C2orf80: variants seen among roughly 807,000 people sequenced by gnomAD.
C2orf80 encodes the protein chromosome 2 open reading frame 80, also known as uncharacterized protein C2orf80.
Under a neutral mutation model 30.2 loss-of-function variants are expected in C2orf80, and 28 were observed. That is an observed-to-expected ratio of 0.93 (90% confidence interval 0.69 to 1.27). The LOEUF (loss-of-function observed/expected upper bound fraction) is 1.27, where lower values mean the gene tolerates loss of function less well. Ranked by LOEUF, C2orf80 falls within the 50% of genes most tolerant of loss-of-function variation. The pLI is 0.00. For synonymous variants in C2orf80, 80 were observed against 76.4 expected (o/e 1.05, Z -0.24); for missense variants, 220 against 231.0 (o/e 0.95, Z 0.31).
chr2:208,177,866 C>T (rs1696416970), intron 6 of C2orf80, among the ~76,000 whole-genome samples: 1 of 151,554 alleles, frequency 6.6e-6, no homozygotes, highest in Admixed American at 6.6e-5. Flanking sequence ...TGCTCTGTTG[C>T]TCAGGCTGGA....
chr2:208,181,753 T>C (rs1461503208), intron 4 of C2orf80, among the ~76,000 whole-genome samples: 1 of 152,090 alleles, frequency 6.6e-6, no homozygotes, highest in East Asian at 1.9e-4. Flanking sequence ...GCGCTGCCAC[T>C]GTCCAACCCT....
At chr2:208,178,030 C>T (rs1276945847) in intron 6 of C2orf80, among the ~76,000 whole-genome samples, 1 of 151,904 alleles carries the variant, frequency 6.6e-6, no homozygotes, top group African/African-American at 2.4e-5. Flanking sequence ...GTTGGCCAGG[C>T]TGGTCTCAAA....
At chr2:208,170,288 C>T (rs755290525) in intron 8 of C2orf80, among the ~76,000 whole-genome samples, 5 of 152,168 alleles carry the variant, frequency 3.3e-5, no homozygotes, top group African/African-American at 7.2e-5. Flanking sequence ...AGAAGTCTCT[C>T]TGACTTCTTA....
intron 3 of C2orf80, 41 bp downstream of exon 3, chr2:208,184,910 T>G: frequency 6.7e-7 from 1 of 1,502,676 alleles, no homozygotes. Context: ...TTAATACACA[T>G]ATAACACAAA....
At chr2:208,165,891 G>A (rs1017962696) in intron 8 of C2orf80, 76 bp from the exon 9 acceptor site, 5 of 966,598 alleles carry the variant, frequency 5.2e-6, no homozygotes, top group Non-Finnish European at 8.0e-6. Flanking sequence ...AAGTCTATAG[G>A]AAGTTAAGGT....
chr2:208,169,370 T>A (rs959109404), intron 8 of C2orf80, among the ~76,000 whole-genome samples: 2 of 151,952 alleles, frequency 1.3e-5, no homozygotes, highest in Non-Finnish European at 2.9e-5. Context: ...CAAACACGTA[T>A]AAAAAATGAC....
At chr2:208,185,507 A>C (rs538662173) in intron 2 of C2orf80, among the ~76,000 whole-genome samples, 4 of 152,364 alleles carry the variant, frequency 2.6e-5, no homozygotes, top group African/African-American at 9.6e-5. Context: ...GGAGGAATGC[A>C]TAAAAACTTA....
At chr2:208,178,941 T>G (rs1696460503) in intron 6 of C2orf80, among the ~76,000 whole-genome samples, 1 of 152,132 alleles carries the variant, frequency 6.6e-6, no homozygotes, top group Non-Finnish European at 1.5e-5. Context: ...GTATTTTTAG[T>G]AGAGTTGGGG....
chr2:208,182,394 T>C (rs907297292), intron 4 of C2orf80, among the ~76,000 whole-genome samples: 3 of 152,170 alleles, frequency 2.0e-5, no homozygotes, highest in Admixed American at 6.5e-5. Flanking sequence ...AAAGCAGTCA[T>C]GTTTCTAAGA....
At chr2:208,169,454 G>C (rs1269047566) in intron 8 of C2orf80, among the ~76,000 whole-genome samples, 1 of 151,958 alleles carries the variant, frequency 6.6e-6, no homozygotes, top group African/African-American at 2.4e-5. Flanking sequence ...ACCTTCGGCC[G>C]GGCACAGTGG....
Position 208,172,072 on chromosome 2 carries a change from G to A in C2orf80, c.370C>T (p.Pro124Ser). Residue 124 changes from proline to serine, a missense_variant, in exon 7 of 9, where the codon CCC becomes TCC. Transcript: ENST00000341287. ...GAGAGGCAGAGAGATGAAACTCGGGGAACCTGAAAGGAAAACAGTCCTACT... is the reference window on the plus strand; with the variant it reads ...GAGAGGCAGAGAGATGAAACTCGGGAAACCTGAAAGGAAAACAGTCCTACT... ...SSADSGTIKV[P>S]RVSSLCLSLH... The A allele has an allele frequency of 6.2e-7, 1 of 1,610,922 alleles. No homozygotes were observed.
chr2:208,186,638 G>A (rs973265659), intron 2 of C2orf80, among the ~76,000 whole-genome samples: 2 of 152,138 alleles, frequency 1.3e-5, no homozygotes, highest in African/African-American at 2.4e-5. Flanking sequence ...CCCTTTCAAC[G>A]GTGTATCTTG....
rs1696353932 is a variant in C2orf80 at position 208,176,963 on chromosome 2, A to ATGTATACAGATC, written c.366+3781_366+3782insGATCTGTATACA. 1.9e-4 allele frequency among the ~76,000 whole-genome samples: 7 copies of ATGTATACAGATC among 36,146 alleles called. 1 individual carries two copies. Among genetic ancestry groups the ATGTATACAGATC allele is most frequent in the African/African-American group, 4.7e-4 (6 of 12,796 alleles). The allele number at this position is 36,146 out of a possible 152,430, so 23.7% of individuals were successfully genotyped here. A position where few individuals can be genotyped will look rare whatever the true frequency, so the allele number is the denominator to read the frequency against. On this transcript the variant is annotated intron_variant, in intron 6 of 8. Transcript: ENST00000341287. ...TATCTGTATACATATCTGTATACATATGTATACATATATACAGAAATGTAT... is the reference window on the plus strand; with the variant it reads ...TATCTGTATACATATCTGTATACATATGTATACAGATCTGTATACATATATACAGAAATGTAT...
At chr2:208,175,814 G>C (rs1545356) in intron 6 of C2orf80, among the ~76,000 whole-genome samples, 56,636 of 151,492 alleles carry the variant, frequency 0.37, 11,996 homozygotes, top group East Asian at 0.74. Flanking sequence ...TTTAAAATAG[G>C]TTTACCGTTC....
chr2:208,173,396 G>A (rs868859948), intron 6 of C2orf80, among the ~76,000 whole-genome samples: 6 of 152,180 alleles, frequency 3.9e-5, no homozygotes, highest in East Asian at 1.9e-4. Context: ...AGGCCAAGGC[G>A]GGCAGATCAC....
At chr2:208,179,350 C>T (rs1469304603) in intron 6 of C2orf80, among the ~76,000 whole-genome samples, 2 of 152,258 alleles carry the variant, frequency 1.3e-5, no homozygotes, top group African/African-American at 2.4e-5. Context: ...CTCTACATGA[C>T]CCCACTGCTT....
At chr2:208,181,389 T>A in intron 4 of C2orf80, 84 bp from the exon 5 acceptor site, 1 of 828,844 alleles carries the variant, frequency 1.2e-6, no homozygotes, top group Non-Finnish European at 2.1e-6. Flanking sequence ...AATCGATAAG[T>A]AATCTGCAAT....
intron 6 of C2orf80, among the ~76,000 whole-genome samples, chr2:208,174,225 A>T (rs2105897417): frequency 6.6e-6 from 1 of 152,302 alleles, no homozygotes; most frequent in East Asian, 1.9e-4. Context: ...AAGGGCTGGG[A>T]CTACAGATAC....
rs371898869 is a variant in C2orf80, at chr2:208,177,800, C to CTTTATTTA, written c.366+2937_366+2944dup. Among the ~76,000 whole-genome samples, 1,149 of 147,160 alleles carry CTTTATTTA rather than the reference C, an allele frequency of 7.8e-3. 16 individuals carry two copies. Among genetic ancestry groups the CTTTATTTA allele is most frequent in the East Asian group, 0.039 (188 of 4,856 alleles). On this transcript the variant is annotated intron_variant, in intron 6 of 8. Coordinates refer to ENST00000341287, the MANE Select transcript of C2orf80 (RefSeq NM_001099334.3). ...ATGGCCTGTCTTCCCCTTCTAGCAC[C>CTTTATTTA]TTTATTTATTTATTTATTTATTTAT...
Sources: gnomAD v4.1 joint callset for allele counts (sites outside exome capture counted in the v4.1 genomes callset) on GRCh38, gnomAD v4.1.1 for gene constraint, MANE v1.5 for transcripts, NCBI Gene and HGNC (gene_info 2026-07-23, HGNC 2026-07-21) for gene names.